Variants in RGS19 observed in about 807,000 individuals in gnomAD.
RGS19 encodes regulator of G protein signaling 19.
Under a neutral mutation model 22.0 loss-of-function variants are expected in RGS19, and 9 were observed. The ratio of observed to expected loss-of-function variants is 0.41; its 90% CI spans 0.25 to 0.71. RGS19 has a LOEUF of 0.71. RGS19 is among the 30% of genes least tolerant of loss of function. The probability of loss-of-function intolerance (pLI) is 0.32; values close to 1 mark genes in which losing one functional copy is unlikely to be tolerated. For missense variants in RGS19, 256 were observed against 307.1 expected (o/e 0.83, Z 1.24); for synonymous variants, 130 against 127.3 (o/e 1.02, Z -0.14).
chr20:64,076,355 G>C (rs767107694), intron 3 of RGS19, among the ~76,000 whole-genome samples, 170 bp downstream of exon 3: 2 of 152,236 alleles, frequency 1.3e-5, no homozygotes, highest in Non-Finnish European at 2.9e-5. Flanking sequence ...CAAGGCACCG[G>C]CCACTCATCA....
In RGS19 at chr20:64,073,731, C is replaced by G; in HGVS notation, c.*122G>C. ...CACTCCCCACTGGGTCTAGGACCGT[C>G]TCCGCGGGTGGGGACCCCAGCCGGC... On this transcript the variant is annotated 3_prime_UTR_variant, in exon 6 of 6. Coordinates refer to ENST00000395042, the MANE Select transcript of RGS19 (RefSeq NM_005873.3). The G allele has an allele frequency of 1.2e-6, 1 of 853,476 alleles. No individual in the cohort carries two copies. Among genetic ancestry groups the G allele is most frequent in the Non-Finnish European group, 1.8e-6 (1 of 561,412 alleles). The allele number at this position is 853,476 out of a possible 1,614,324, so 52.9% of individuals were successfully genotyped here. A position where few individuals can be genotyped will look rare whatever the true frequency, so the allele number is the denominator to read the frequency against.
intron 1 of RGS19, 157 bp from the exon 2 acceptor site, chr20:64,077,111 G>A (rs962469453): frequency 1.3e-5 from 6 of 446,138 alleles, no homozygotes; most frequent in African/African-American, 2.0e-5. Flanking sequence ...CAAGCTTACA[G>A]CAGGGCTGGG....
Position 64,075,467 on chromosome 20 carries a change from G to A in RGS19, c.153-926C>T, listed in dbSNP as rs571052085. 1.2e-4 allele frequency among the ~76,000 whole-genome samples: 19 copies of A among 152,250 alleles called. No individual in the cohort carries two copies. In the East Asian group the frequency reaches 3.7e-3, roughly 29 times the overall value. ...GCTGGCAGACATCGTGCACCCAAACGTCCTGACAGAACTAGGCCCCTGGGC... is the reference window on the plus strand; with the variant it reads ...GCTGGCAGACATCGTGCACCCAAACATCCTGACAGAACTAGGCCCCTGGGC... On this transcript the variant is annotated intron_variant, in intron 3 of 5. Transcript: ENST00000395042. The surrounding 1 kb of genome is among the most constrained non-coding windows in gnomAD (Gnocchi z 4.6).
chr20:64,076,484 C>A (rs374290044), intron 3 of RGS19, 41 bp downstream of exon 3: 142 of 1,609,614 alleles, frequency 8.8e-5, no homozygotes, highest in Non-Finnish European at 1.2e-4. Flanking sequence ...GCCCCATGCC[C>A]TCGACCCCCT....
rs1055020219 is a variant in RGS19 at position 64,077,331 on chromosome 20, C to T, written c.-68-377G>A. On this transcript the variant is annotated intron_variant, in intron 1 of 5. Coordinates refer to ENST00000395042, the MANE Select transcript of RGS19 (RefSeq NM_005873.3). ...GAGAGTCTGGGGCTACCAACTGGTG[C>T]GTGCGGGTGGTGGCCAGACTGGCTT... Among the ~76,000 whole-genome samples, 10 of 152,118 alleles carry T rather than the reference C, an allele frequency of 6.6e-5. No homozygotes were observed. In the East Asian group the frequency reaches 1.5e-3, roughly 23 times the overall value.
chr20:64,079,859 G>GCGCGCGCACTCACCAGC, upstream of RGS19: 1 of 149,240 alleles, frequency 6.7e-6, no homozygotes, highest in South Asian at 2.1e-4. This position sits in a 1 kb window ranked among gnomAD's most constrained non-coding sequence, Gnocchi z 5.1. Flanking sequence ...CCGGCGCTGC[G>GCGCGCGCACTCACCAGC]CGCGCGCACT....
upstream of RGS19, chr20:64,079,942 G>A (rs1381974020): frequency 1.3e-5 from 2 of 148,370 alleles, no homozygotes; most frequent in East Asian, 3.9e-4. This position sits in a 1 kb window ranked among gnomAD's most constrained non-coding sequence, Gnocchi z 5.1. Flanking sequence ...GACAGTCGGG[G>A]AGGGGGCGCG....
chr20:64,075,881 CTTTCT>C lies in RGS19; in HGVS notation c.152+639_152+643del, dbSNP rs141039858. Among the ~76,000 whole-genome samples, 30,208 of 148,684 alleles carry C rather than the reference CTTTCT, an allele frequency of 0.2. 3,197 individuals are homozygous for C. Among genetic ancestry groups the C allele is most frequent in the Non-Finnish European group, 0.25 (16,649 of 66,780 alleles). ...GGTCTGTGCCTGTCTTTCTTTCTTT[CTTTCT>C]TTTTTTTTTTTTGAGACGGAGTTTT... On this transcript the variant is annotated intron_variant, in intron 3 of 5. Coordinates refer to ENST00000395042, the MANE Select transcript of RGS19 (RefSeq NM_005873.3). The surrounding 1 kb of genome is among the most constrained non-coding windows in gnomAD (Gnocchi z 4.6).
Position 64,073,783 on chromosome 20 carries a change from G to T in RGS19, c.*70C>A. 3 of 1,399,846 alleles carry T rather than the reference G, an allele frequency of 2.1e-6. No homozygotes were observed. The highest frequency in any genetic ancestry group is 2.6e-5 in the South Asian group (2 of 77,096). 86.7% of individuals were successfully genotyped at this position (1,399,846 alleles called of 1,614,324 possible). A position where few individuals can be genotyped will look rare whatever the true frequency, so the allele number is the denominator to read the frequency against. Reference sequence around the variant, plus strand: ...AGGCATGTGCCCTGACAGCCCTGCCGACAACAACACCTGAAGGGAACCCAG... The same window carrying T: ...AGGCATGTGCCCTGACAGCCCTGCCTACAACAACACCTGAAGGGAACCCAG... On this transcript the variant is annotated 3_prime_UTR_variant, in exon 6 of 6. Coordinates refer to ENST00000395042, the MANE Select transcript of RGS19 (RefSeq NM_005873.3).
chr20:64,074,648 G>A (rs2059890434), intron 3 of RGS19, 107 bp from the exon 4 acceptor site: 13 of 1,085,476 alleles, frequency 1.2e-5, no homozygotes, highest in Non-Finnish European at 1.6e-5. Context: ...ACCCACTGCA[G>A]GAGGGCAGCC....
chr20:64,073,607 G>A lies in RGS19; in HGVS notation c.*246C>T, dbSNP rs1339160483. ...CAGGAGCACTGGGCCAGCCAGCTGCGGGCCGATGAGGGGGCTTCTGGCCCG... is the reference window on the plus strand; with the variant it reads ...CAGGAGCACTGGGCCAGCCAGCTGCAGGCCGATGAGGGGGCTTCTGGCCCG... On this transcript the variant is annotated 3_prime_UTR_variant, in exon 6 of 6. Transcript: ENST00000395042. The A allele has an allele frequency of 6.3e-6, 3 of 472,460 alleles. No individual in the cohort carries two copies. Among genetic ancestry groups the A allele is most frequent in the Non-Finnish European group, 7.5e-6 (2 of 265,146 alleles). The allele number at this position is 472,460 out of a possible 1,614,324, so 29.3% of individuals were successfully genotyped here.
At chr20:64,079,706 C>A (rs956588379), upstream of RGS19, 1 of 151,724 alleles carries the variant, frequency 6.6e-6, no homozygotes, top group African/African-American at 2.4e-5. This position sits in a 1 kb window ranked among gnomAD's most constrained non-coding sequence, Gnocchi z 5.1. Flanking sequence ...GCGCGGGGGG[C>A]GGGCTCCACT....
In RGS19 at chr20:64,073,819, AG is replaced by A; in HGVS notation, c.*33del. 6.4e-7 allele frequency: 1 copy of A among 1,556,194 alleles called. No homozygotes were observed. ...CTGAAGGGAACCCAGAGTCGGCCGT[AG>A]GAGGCGGCGGGGTCTGTGCTGCTGG... On this transcript the variant is annotated 3_prime_UTR_variant, in exon 6 of 6. Transcript: ENST00000395042.
chr20:64,074,629 C>A (rs1205512727), intron 3 of RGS19, 88 bp from the exon 4 acceptor site: 4 of 1,265,418 alleles, frequency 3.2e-6, no homozygotes, highest in Non-Finnish European at 4.3e-6. Context: ...GCACCTGACA[C>A]ACATGGGCAC....
chr20:64,076,004 C>T (rs2059902538), intron 3 of RGS19, among the ~76,000 whole-genome samples: 1 of 152,218 alleles, frequency 6.6e-6, no homozygotes, highest in South Asian at 2.1e-4. Context: ...GCCTCAGCCT[C>T]CCGAGTAGCT....
Position 64,075,246 on chromosome 20 carries a change from G to A in RGS19, c.153-705C>T, listed in dbSNP as rs1255278944. Among the ~76,000 whole-genome samples, 1 of 152,226 alleles carries A rather than the reference G, an allele frequency of 6.6e-6. No individual in the cohort carries two copies. The highest frequency in any genetic ancestry group is 1.5e-5 in the Non-Finnish European group (1 of 68,034). ...CCACCGATGGGGTCACACGCTGCAGGTCTGGCGTGTCAGCAGTGTCTCTCG... is the reference window on the plus strand; with the variant it reads ...CCACCGATGGGGTCACACGCTGCAGATCTGGCGTGTCAGCAGTGTCTCTCG... On this transcript the variant is annotated intron_variant, in intron 3 of 5. Transcript: ENST00000395042. The surrounding 1 kb of genome is among the most constrained non-coding windows in gnomAD (Gnocchi z 4.6).
chr20:64,076,953 G>T lies in RGS19; in HGVS notation c.-67C>A, dbSNP rs757683802. On this transcript the variant is annotated splice_region_variant and 5_prime_UTR_variant, in exon 2 of 6. Transcript: ENST00000395042. ...CTCAGACCCTCACCACAGCCTGGGG[G>T]TCTGGGGAGAGGGGCCAAGGTTCTG... is the stretch of plus-strand genomic sequence containing the variant. The T allele has an allele frequency of 4.3e-5, 60 of 1,405,920 alleles. No homozygotes were observed. Among genetic ancestry groups the T allele is most frequent in the Admixed American group, 6.0e-5 (2 of 33,118 alleles). The allele number at this position is 1,405,920 out of a possible 1,614,324, so 87.1% of individuals were successfully genotyped here.
In RGS19 at chr20:64,076,954, T is replaced by C. The variant is rs1483158237; in HGVS notation, c.-68A>G. 7.1e-6 allele frequency: 10 copies of C among 1,399,054 alleles called. No homozygotes were observed. Among genetic ancestry groups the C allele is most frequent in the Non-Finnish European group, 8.5e-6 (9 of 1,059,036 alleles). The allele number at this position is 1,399,054 out of a possible 1,614,324, so 86.7% of individuals were successfully genotyped here. A position where few individuals can be genotyped will look rare whatever the true frequency, so the allele number is the denominator to read the frequency against. On this transcript the variant is annotated splice_region_variant and 5_prime_UTR_variant, in exon 2 of 6. Coordinates refer to ENST00000395042, the MANE Select transcript of RGS19 (RefSeq NM_005873.3). ...TCAGACCCTCACCACAGCCTGGGGG[T>C]CTGGGGAGAGGGGCCAAGGTTCTGA...
At position 64,075,193 on chromosome 20, in the gene RGS19, C is replaced by T. The variant is rs2059895561; in HGVS notation, c.153-652G>A. Reference sequence around the variant, plus strand: ...GCCTGGGAACAGGGCCACCCTGCTCCTGGGCCTGATCTTGGCCTGTCCCTG... The same window carrying T: ...GCCTGGGAACAGGGCCACCCTGCTCTTGGGCCTGATCTTGGCCTGTCCCTG... On this transcript the variant is annotated intron_variant, in intron 3 of 5. Transcript: ENST00000395042. The surrounding 1 kb of genome is among the most constrained non-coding windows in gnomAD (Gnocchi z 4.6). Among the ~76,000 whole-genome samples the T allele has an allele frequency of 6.6e-6, 1 of 152,118 alleles. No individual in the cohort carries two copies. Among genetic ancestry groups the T allele is most frequent in the Non-Finnish European group, 1.5e-5 (1 of 68,018 alleles).
Sources: allele counts gnomAD v4.1 joint callset (sites outside exome capture counted in the v4.1 genomes callset), GRCh38; gene constraint gnomAD v4.1.1; non-coding constraint Gnocchi (gnomAD v3.1); transcripts MANE v1.5; gene names NCBI Gene and HGNC (gene_info 2026-07-23, HGNC 2026-07-21).